Variants in FAT1 observed in about 807,000 individuals in gnomAD.
FAT1 encodes FAT atypical cadherin 1.
FAT1 carries 171 observed loss-of-function variants against 329.8 expected under a neutral mutation model. The observed-to-expected ratio is 0.52, with a 90% CI of 0.46 to 0.59. The LOEUF (loss-of-function observed/expected upper bound fraction) is 0.59. FAT1 is among the 20% of genes least tolerant of loss of function. The pLI is 0.00. For synonymous variants in FAT1, 2,233 were observed against 2,228.6 expected, an observed-to-expected ratio of 1.00 and a Z score of -0.06; for missense variants, 5,672 against 5,774.4, an observed-to-expected ratio of 0.98 and a Z score of 0.57.
chr4:186,633,904 G>C, intron 6 of FAT1, 81 bp from the exon 7 acceptor site: 1 of 1,498,152 alleles, frequency 6.7e-7, no homozygotes, highest in Middle Eastern at 1.8e-4. Context: ...ATACTTAATG[G>C]CACTGAAAAA....
chr4:186,617,321 A>G, intron 10 of FAT1, 120 bp from the exon 11 acceptor site: 1 of 757,416 alleles, frequency 1.3e-6, no homozygotes, highest in Non-Finnish European at 2.0e-6. Context: ...TTGAGTATTA[A>G]AAGAATTAAT....
chr4:186,648,254 C>T (rs537207612), intron 3 of FAT1, among the ~76,000 whole-genome samples: 1 of 152,286 alleles, frequency 6.6e-6, no homozygotes, highest in South Asian at 2.1e-4. Context: ...CATCTTTAAT[C>T]TTTAATGGGC....
intron 2 of FAT1, among the ~76,000 whole-genome samples, chr4:186,664,061 G>A (rs1742315453): frequency 6.6e-6 from 1 of 152,074 alleles, no homozygotes; most frequent in South Asian, 2.1e-4. Context: ...CAACACCAGA[G>A]CCATGGCCCA....
intron 2 of FAT1, among the ~76,000 whole-genome samples, chr4:186,689,356 T>C (rs1469354415): frequency 3.9e-5 from 6 of 152,348 alleles, no homozygotes; most frequent in Middle Eastern, 6.8e-3. Context: ...AAAAGACACA[T>C]GATTTACTCG....
At chr4:186,724,726 C>T (rs1242926568), upstream of FAT1, among the ~76,000 whole-genome samples, 6 of 152,192 alleles carry the variant, frequency 3.9e-5, no homozygotes, top group Non-Finnish European at 7.3e-5. This position sits in a 1 kb window ranked among gnomAD's most constrained non-coding sequence, Gnocchi z 5.3. Flanking sequence ...GCCGCAGGCT[C>T]GGCGCAGGGC....
rs745401767 is a variant in FAT1 at position 186,708,437 on chromosome 4, G to A, written c.1391C>T (p.Thr464Ile). The A allele has an allele frequency of 4.3e-6, 7 of 1,613,958 alleles. No homozygotes were observed. In the Admixed American group the frequency reaches 1.0e-4, roughly 23 times the overall value. Reference sequence around the variant, plus strand: ...AAAAGCAGCTTTGTACGCTGTCTGGGTAAATTCAGGGGGATTGCTATTTGC... The same window carrying A: ...AAAAGCAGCTTTGTACGCTGTCTGGATAAATTCAGGGGGATTGCTATTTGC... ...LGANSNPPEF[T>I]QTAYKAAFDE... Residue 464 changes from threonine to isoleucine, a missense_variant, in exon 2 of 27, where the codon ACC (threonine) becomes ATC (isoleucine). Physicochemically the swap from Thr to Ile is moderately conservative, Grantham distance 89 (BLOSUM62 -1). Coordinates refer to ENST00000441802, the MANE Select transcript of FAT1 (RefSeq NM_005245.4).
At chr4:186,715,186 C>A (rs1195442461) in intron 1 of FAT1, among the ~76,000 whole-genome samples, 4 of 152,084 alleles carry the variant, frequency 2.6e-5, no homozygotes, top group Non-Finnish European at 5.9e-5. Flanking sequence ...AGACCATGGC[C>A]AACACGTCAG....
rs1034353248 is a variant in FAT1, at chr4:186,610,521, C to G, written c.9854-506G>C. Among the ~76,000 whole-genome samples the G allele has an allele frequency of 2.0e-5, 3 of 148,946 alleles. No homozygotes were observed. In the South Asian group the frequency reaches 6.3e-4, roughly 31 times the overall value. ...TTTAAAAATCCCTTTTTAAACAATTCCTTTTAACATCTTTCACATCATTCT... is the reference window on the plus strand; with the variant it reads ...TTTAAAAATCCCTTTTTAAACAATTGCTTTTAACATCTTTCACATCATTCT... On this transcript the variant is annotated intron_variant, in intron 14 of 26. Transcript: ENST00000441802.
intron 2 of FAT1, among the ~76,000 whole-genome samples, chr4:186,683,823 T>A (rs1743337392): frequency 1.3e-5 from 2 of 152,158 alleles, no homozygotes; most frequent in African/African-American, 4.8e-5. Flanking sequence ...CTTTTGGGTA[T>A]CAGAGATCCC....
chr4:186,720,152 C>G (rs369596937), intron 1 of FAT1, among the ~76,000 whole-genome samples: 27 of 152,322 alleles, frequency 1.8e-4, no homozygotes, highest in African/African-American at 6.3e-4. Flanking sequence ...GGTGAAGGCT[C>G]TAAAGTAATG....
rs1020762439 is a variant in FAT1 at position 186,707,166 on chromosome 4, G to A, written c.2662C>T (p.Gln888Ter). 6.2e-7 allele frequency: 1 copy of A among 1,613,942 alleles called. No individual in the cohort carries two copies. The highest frequency in any genetic ancestry group is 8.5e-7 in the Non-Finnish European group (1 of 1,179,888). Reference protein sequence around the residue: ...NIARPLDRELQHEHSLKIEAR... With the variant: ...NIARPLDREL ...TCAATCTTTAAGGAGTGCTCATGCT[G>A]CAGCTCTCGATCCAGAGGGCGTGCG... The change falls in exon 2 of 27, where the codon CAG becomes TAG. Residue 888 changes from glutamine to a stop codon, truncating the protein, a stop_gained. Coordinates refer to ENST00000441802, the MANE Select transcript of FAT1 (RefSeq NM_005245.4). LOFTEE classifies it high-confidence loss of function.
At chr4:186,643,932 C>G (rs2126580471) in intron 3 of FAT1, among the ~76,000 whole-genome samples, 1 of 152,258 alleles carries the variant, frequency 6.6e-6, no homozygotes, top group Middle Eastern at 3.4e-3. Context: ...TTTTCGACAT[C>G]TGTGCTCATC....
intron 2 of FAT1, among the ~76,000 whole-genome samples, chr4:186,666,655 C>T (rs1039304019): frequency 1.3e-5 from 2 of 152,166 alleles, no homozygotes; most frequent in Non-Finnish European, 2.9e-5. Flanking sequence ...TTAAAATGTG[C>T]CCCTCTAAAT....
At chr4:186,688,662 C>CCA (rs1553998369) in intron 2 of FAT1, among the ~76,000 whole-genome samples, 92 of 132,028 alleles carry the variant, frequency 7.0e-4, no homozygotes, top group Non-Finnish European at 9.9e-4. Context: ...CGCCCCCCCC[C>CCA]AAAAAAACAC....
chr4:186,664,117 C>T (rs529051979), intron 2 of FAT1, among the ~76,000 whole-genome samples: 1 of 152,278 alleles, frequency 6.6e-6, no homozygotes, highest in Admixed American at 6.5e-5. Flanking sequence ...CACACTGCAT[C>T]CCTGTGGCGG....
At position 186,618,164 on chromosome 4, in the gene FAT1, C is replaced by G. The variant is rs768967288; in HGVS notation, c.8422G>C (p.Val2808Leu). Residue 2808 changes from valine to leucine, a missense_variant, in exon 10 of 27, where the codon GTC becomes CTC. By Grantham distance (32) the Val-to-Leu change is conservative. Coordinates refer to ENST00000441802, the MANE Select transcript of FAT1 (RefSeq NM_005245.4). Reference sequence around the variant, plus strand: ...GCCTCATATGGACTAGATTCAAAGACCGGGCTGTTGTCATTTGCATCTTTC... The same window carrying G: ...GCCTCATATGGACTAGATTCAAAGAGCGGGCTGTTGTCATTTGCATCTTTC... ...QVKDANDNSP[V>L]FESSPYEAFI... is the part of the protein sequence containing the mutation. The G allele has an allele frequency of 1.2e-5, 19 of 1,613,876 alleles. No homozygotes were observed. Among genetic ancestry groups the G allele is most frequent in the Non-Finnish European group, 1.5e-5 (18 of 1,179,902 alleles).
At chr4:186,658,537 G>A (rs1192410306) in intron 3 of FAT1, among the ~76,000 whole-genome samples, 1 of 152,226 alleles carries the variant, frequency 6.6e-6, no homozygotes, top group African/African-American at 2.4e-5. Flanking sequence ...AATGTTGCAA[G>A]GCAGTTTATA....
chr4:186,590,452 G>A (rs1738186142), intron 26 of FAT1: 3 of 1,250,066 alleles, frequency 2.4e-6, no homozygotes, highest in Non-Finnish European at 3.1e-6. Flanking sequence ...AATTAAAACA[G>A]TCGGCTGAAA....
At chr4:186,646,862 T>TC (rs1323783579) in intron 3 of FAT1, among the ~76,000 whole-genome samples, 5 of 152,344 alleles carry the variant, frequency 3.3e-5, no homozygotes, top group Non-Finnish European at 7.3e-5. Context: ...TTAGAATTGC[T>TC]GGTGTACTAC....
Sources: gnomAD v4.1 joint callset for allele counts (sites outside exome capture counted in the v4.1 genomes callset) on GRCh38, gnomAD v4.1.1 for gene constraint, Gnocchi (gnomAD v3.1) non-coding constraint, MANE v1.5 for transcripts, NCBI Gene and HGNC (gene_info 2026-07-23, HGNC 2026-07-21) for gene names.